ZNF804A: variants seen among roughly 807,000 people sequenced by gnomAD.
The protein encoded by ZNF804A is zinc finger protein 804A.
A neutral mutation model predicts 16.5 loss-of-function variants in ZNF804A; 2 were observed. That is an observed-to-expected ratio of 0.12 (90% CI 0.05 to 0.38). The LOEUF (loss-of-function observed/expected upper bound fraction) is 0.38, where lower values mean the gene tolerates loss of function less well. ZNF804A is among the 10% of genes least tolerant of loss of function. ZNF804A has a pLI of 0.99. For synonymous variants in ZNF804A, 534 were observed against 489.6 expected (o/e 1.09, Z -1.20); for missense variants, 1,473 against 1,390.7 (o/e 1.06, Z -0.94).
intron 1 of ZNF804A, among the ~76,000 whole-genome samples, chr2:184,662,355 C>T (rs539705271): frequency 6.6e-6 from 1 of 152,258 alleles, no homozygotes; most frequent in Admixed American, 6.5e-5. Context: ...TTGGAACTGT[C>T]AGGAAGCGTC....
chr2:184,926,590 C>T (rs1007659564), intron 2 of ZNF804A, among the ~76,000 whole-genome samples: 1 of 151,818 alleles, frequency 6.6e-6, no homozygotes, highest in Admixed American at 6.6e-5. Flanking sequence ...TTGGATAAAC[C>T]TTGTATCCCC....
chr2:184,621,545 C>G (rs1691421149), intron 1 of ZNF804A, among the ~76,000 whole-genome samples: 1 of 151,634 alleles, frequency 6.6e-6, no homozygotes, highest in Non-Finnish European at 1.5e-5. Context: ...TCATTTATTT[C>G]TATATTTCTG....
intron 1 of ZNF804A, among the ~76,000 whole-genome samples, chr2:184,659,772 TTTA>T (rs1174784799): frequency 6.6e-6 from 1 of 152,118 alleles, no homozygotes; most frequent in African/African-American, 2.4e-5. Context: ...CCTTTCGGAG[TTTA>T]TTATTATTTT....
chr2:184,868,786 C>T (rs1005571047), intron 2 of ZNF804A, among the ~76,000 whole-genome samples: 8 of 151,916 alleles, frequency 5.3e-5, no homozygotes, highest in Admixed American at 6.6e-5. Context: ...TTTCAGCTTG[C>T]TGCTAATAAA....
At chr2:184,616,419 A>G (rs993170982) in intron 1 of ZNF804A, among the ~76,000 whole-genome samples, 2 of 152,298 alleles carry the variant, frequency 1.3e-5, no homozygotes, top group South Asian at 2.1e-4. Context: ...TAAGATGCCT[A>G]TGTGTGAATG....
intron 2 of ZNF804A, among the ~76,000 whole-genome samples, chr2:184,876,360 A>G (rs1028297004): frequency 1.3e-5 from 2 of 150,364 alleles, no homozygotes; most frequent in Non-Finnish European, 3.0e-5. Flanking sequence ...TGCGCAATAC[A>G]ATCACTTCAC....
chr2:184,598,926 C>A lies in ZNF804A; in HGVS notation c.-34C>A, dbSNP rs767054952. The stretch of plus-strand genomic sequence containing the variant: ...GCTGTGGGCGCGGGGTGCGTGGAAG[C>A]GGCGGCTGCGGCGGAGGAGGCGGCG... On this transcript the variant is annotated 5_prime_UTR_variant, in exon 1 of 4. Coordinates refer to ENST00000302277, the MANE Select transcript of ZNF804A (RefSeq NM_194250.2). 4.9e-6 allele frequency: 7 copies of A among 1,434,984 alleles called. No individual in the cohort carries two copies. Among genetic ancestry groups the A allele is most frequent in the South Asian group, 3.8e-5 (3 of 79,292 alleles). 88.9% of individuals were successfully genotyped at this position (1,434,984 alleles called of 1,614,324 possible).
intron 2 of ZNF804A, among the ~76,000 whole-genome samples, chr2:184,921,128 T>C (rs1194260259): frequency 6.6e-6 from 1 of 152,200 alleles, no homozygotes; most frequent in Non-Finnish European, 1.5e-5. Flanking sequence ...CAAAGTGTTA[T>C]TATTTGGAGT....
At chr2:184,709,916 G>A (rs534965702) in intron 1 of ZNF804A, among the ~76,000 whole-genome samples, 1 of 149,454 alleles carries the variant, frequency 6.7e-6, no homozygotes, top group Non-Finnish European at 1.5e-5. Flanking sequence ...AAAGCATAAA[G>A]TATAGGAATT....
intron 2 of ZNF804A, among the ~76,000 whole-genome samples, chr2:184,926,845 C>G (rs1300277654): frequency 6.6e-6 from 1 of 152,132 alleles, no homozygotes; most frequent in East Asian, 1.9e-4. Context: ...TCCAGAATTT[C>G]TGCTTGCTTT....
In ZNF804A at chr2:184,798,312, C is replaced by T. The variant is rs571014161; in HGVS notation, c.112-68057C>T. On this transcript the variant is annotated intron_variant, in intron 1 of 3. Transcript: ENST00000302277. Reference sequence around the variant, plus strand: ...CTAGCAAGGCCAGGGATATTTTCCTCGATTATTCCCCCAAATATATTTTCC... The same window carrying T: ...CTAGCAAGGCCAGGGATATTTTCCTTGATTATTCCCCCAAATATATTTTCC... Among the ~76,000 whole-genome samples the T allele has an allele frequency of 5.3e-5, 8 of 151,874 alleles. No homozygotes were observed. In the East Asian group the frequency reaches 1.4e-3, roughly 26 times the overall value.
intron 2 of ZNF804A, among the ~76,000 whole-genome samples, chr2:184,917,671 G>T (rs1488356222): frequency 2.7e-5 from 4 of 150,868 alleles, no homozygotes; most frequent in Non-Finnish European, 4.4e-5. Flanking sequence ...ACTATCATAG[G>T]TGTGTGTGTG....
intron 1 of ZNF804A, among the ~76,000 whole-genome samples, chr2:184,621,927 G>A (rs1691427602): frequency 6.6e-6 from 1 of 151,764 alleles, no homozygotes; most frequent in Non-Finnish European, 1.5e-5. Flanking sequence ...TATGGCCAAA[G>A]ACAATAATTT....
At chr2:184,753,347 A>G (rs1162663919) in intron 1 of ZNF804A, among the ~76,000 whole-genome samples, 1 of 151,724 alleles carries the variant, frequency 6.6e-6, no homozygotes, top group Non-Finnish European at 1.5e-5. Context: ...GAACTTCAAG[A>G]TAGTCATACA....
At chr2:184,687,274 C>G (rs1182077314) in intron 1 of ZNF804A, among the ~76,000 whole-genome samples, 7 of 152,134 alleles carry the variant, frequency 4.6e-5, no homozygotes, top group Non-Finnish European at 7.4e-5. Flanking sequence ...TTTATTGAAC[C>G]TGGAGTCCTT....
chr2:184,812,490 C>G (rs945255365), intron 1 of ZNF804A, among the ~76,000 whole-genome samples: 9 of 152,116 alleles, frequency 5.9e-5, no homozygotes, highest in African/African-American at 2.2e-4. Flanking sequence ...TGACAGCTCT[C>G]TGTGTCAGAT....
intron 1 of ZNF804A, among the ~76,000 whole-genome samples, chr2:184,846,738 C>T (rs1485561443): frequency 6.6e-6 from 1 of 152,020 alleles, no homozygotes; most frequent in African/African-American, 2.4e-5. Flanking sequence ...GTTTTGATGA[C>T]TTGTCCAATT....
Position 184,938,468 on chromosome 2 carries a change from G to C in ZNF804A, c.3072G>C (p.Leu1024=). 1 of 1,613,948 alleles carries C rather than the reference G, an allele frequency of 6.2e-7. No individual in the cohort carries two copies. Residue 1024 remains leucine (L), a synonymous_variant, in exon 4 of 4, where the codon CTG becomes CTC. Transcript: ENST00000302277. ...GHTFVTAEQI[L]APLALPEQAL... ...CTTTTGTAACAGCTGAGCAAATCCT[G>C]GCTCCATTAGCTTTACCAGAGCAAG... is the stretch of plus-strand genomic sequence containing the variant.
rs1695126220 is a variant in ZNF804A at position 184,824,160 on chromosome 2, TG to T, written c.112-42208del. On this transcript the variant is annotated intron_variant, in intron 1 of 3. Coordinates refer to ENST00000302277, the MANE Select transcript of ZNF804A (RefSeq NM_194250.2). ...TAGTAGCCTATAACTCAGGCAGAAGTGAGACACAGCTGGTTATGTTCAATGC... is the reference window on the plus strand; with the variant it reads ...TAGTAGCCTATAACTCAGGCAGAAGTAGACACAGCTGGTTATGTTCAATGC... Among the ~76,000 whole-genome samples the T allele has an allele frequency of 4.6e-5, 7 of 152,184 alleles. No individual in the cohort carries two copies. The South Asian group carries it at 1.5e-3, about 32-fold the overall frequency.
Sources: gnomAD v4.1 joint callset for allele counts (sites outside exome capture counted in the v4.1 genomes callset) on GRCh38, gnomAD v4.1.1 for gene constraint, MANE v1.5 for transcripts, NCBI Gene and HGNC (gene_info 2026-07-23, HGNC 2026-07-21) for gene names.